The following SLC12A2 variants were observed in gnomAD, a reference collection of about 807,000 sequenced individuals.
The protein encoded by SLC12A2 is Na-K-2Cl cotransporter 1.
Under a neutral mutation model 136.3 loss-of-function variants are expected in SLC12A2, and 67 were observed. That is an observed-to-expected ratio of 0.49 (90% CI 0.40 to 0.60). SLC12A2 has a LOEUF of 0.60. SLC12A2 is among the 20% of genes least tolerant of loss of function. The pLI, the probability that SLC12A2 is intolerant of heterozygous loss-of-function variation, is 0.00. For synonymous variants in SLC12A2, 619 were observed against 562.9 expected, an observed-to-expected ratio of 1.10 and a Z score of -1.41; for missense variants, 1,322 against 1,534.7, an observed-to-expected ratio of 0.86 and a Z score of 2.32.
intron 15 of SLC12A2, 56 bp from the exon 16 acceptor site, chr5:128,157,997 T>A: frequency 6.9e-7 from 1 of 1,443,838 alleles, no homozygotes; most frequent in Non-Finnish European, 9.6e-7. Flanking sequence ...ACTTAAAATC[T>A]TGTTGCCAGA....
chr5:128,096,638 TG>T (rs1388016708), intron 1 of SLC12A2, among the ~76,000 whole-genome samples: 5 of 152,100 alleles, frequency 3.3e-5, no homozygotes, highest in African/African-American at 1.2e-4. Flanking sequence ...AAATGTTTTC[TG>T]GCAAAGCTGG....
In SLC12A2 at chr5:128,131,178, T is replaced by C. The variant is rs943332186; in HGVS notation, c.1160T>C (p.Phe387Ser). The stretch of plus-strand genomic sequence containing the variant: ...GCAGTTGCTATGTATGTGGTTGGAT[T>C]TGCAGAAACCGTGGTGGAGTTGCTT... ...AVAVAMYVVG[F>S]AETVVELLKE... The change falls in exon 5 of 27, where the codon TTT becomes TCT. Residue 387 changes from phenylalanine to serine, a missense_variant. Around this residue, in one of 8 missense-constraint regions of SLC12A2, gnomAD observed 71 missense variants for 131.0 expected, o/e 0.54. Coordinates refer to ENST00000262461, the MANE Select transcript of SLC12A2 (RefSeq NM_001046.3). 1 of 1,614,072 alleles carries C rather than the reference T, an allele frequency of 6.2e-7. No homozygotes were observed. The highest frequency in any genetic ancestry group is 1.7e-5 in the Admixed American group (1 of 60,004).
intron 1 of SLC12A2, among the ~76,000 whole-genome samples, chr5:128,089,621 AAGAG>A (rs1259826270): frequency 6.6e-6 from 1 of 152,220 alleles, no homozygotes; most frequent in Non-Finnish European, 1.5e-5. Flanking sequence ...GACAGAAATC[AAGAG>A]ATGTGATGAT....
chr5:128,186,706 C>G lies in SLC12A2; in HGVS notation c.*75C>G. ...GTAGTAACTGAAATCTTCAATGACA[C>G]ATTAACATCACAATGGCGAATGGTG... On this transcript the variant is annotated 3_prime_UTR_variant, in exon 27 of 27. Transcript: ENST00000262461. The G allele has an allele frequency of 7.1e-7, 1 of 1,403,140 alleles. No homozygotes were observed. Among genetic ancestry groups the G allele is most frequent in the Non-Finnish European group, 9.9e-7 (1 of 1,009,362 alleles). 86.9% of individuals were successfully genotyped at this position (1,403,140 alleles called of 1,614,324 possible). A position where few individuals can be genotyped will look rare whatever the true frequency, so the allele number is the denominator to read the frequency against.
chr5:128,165,001 G>A (rs1763157236), intron 17 of SLC12A2, among the ~76,000 whole-genome samples: 1 of 151,702 alleles, frequency 6.6e-6, no homozygotes, highest in Non-Finnish European at 1.5e-5. Flanking sequence ...CGCTACCATG[G>A]CTGGCTAGTT....
At chr5:128,098,619 A>T (rs571639797) in intron 1 of SLC12A2, among the ~76,000 whole-genome samples, 11 of 151,710 alleles carry the variant, frequency 7.3e-5, no homozygotes, top group African/African-American at 2.7e-4. Context: ...TATTCTTCTG[A>T]AAATTATTGT....
chr5:128,132,974 A>T (rs1054017278), intron 5 of SLC12A2, among the ~76,000 whole-genome samples: 3 of 152,144 alleles, frequency 2.0e-5, no homozygotes, highest in Admixed American at 1.3e-4. Flanking sequence ...TACATTTATT[A>T]TATAAAATAT....
intron 20 of SLC12A2, among the ~76,000 whole-genome samples, chr5:128,175,779 A>G (rs1763522115): frequency 6.6e-6 from 1 of 151,966 alleles, no homozygotes. Context: ...AACTTACTTT[A>G]TAATTGTTAA....
chr5:128,183,853 AAG>A (rs1331270374), intron 24 of SLC12A2, among the ~76,000 whole-genome samples: 1 of 151,994 alleles, frequency 6.6e-6, no homozygotes, highest in Non-Finnish European at 1.5e-5. Flanking sequence ...AAATGGCCAT[AAG>A]GGGAGGCGGG....
At chr5:128,126,961 TATA>T (rs1761821925) in intron 4 of SLC12A2, among the ~76,000 whole-genome samples, 2 of 45,216 alleles carry the variant, frequency 4.4e-5, no homozygotes, top group Admixed American at 2.6e-4. Context: ...TATATATATA[TATA>T]TATTTTTTTT....
chr5:128,156,903 TG>T (rs1352001104), intron 15 of SLC12A2, among the ~76,000 whole-genome samples: 2 of 152,102 alleles, frequency 1.3e-5, no homozygotes, highest in Admixed American at 6.6e-5. Context: ...AGTTAGTCAT[TG>T]GGCCACATTT....
rs772273071 is a variant in SLC12A2 at position 128,148,757 on chromosome 5, C to G, written c.1885C>G (p.Leu629Val). 1 of 1,585,882 alleles carries G rather than the reference C, an allele frequency of 6.3e-7. No individual in the cohort carries two copies. Among genetic ancestry groups the G allele is most frequent in the African/African-American group, 1.4e-5 (1 of 73,266 alleles). Reference sequence around the variant, plus strand: ...TTTTAATGTTTTCTTTCATTAGGCTCTATGTAAGGACAACATCTACCCAGC... The same window carrying G: ...TTTTAATGTTTTCTTTCATTAGGCTGTATGTAAGGACAACATCTACCCAGC... ...LVSAPKIFQA[L>V]CKDNIYPAFQ... The change falls in exon 12 of 27, where the codon CTA becomes GTA. Residue 629 changes from leucine to valine, a missense_variant. This residue lies in a region of SLC12A2 where 294 missense variants were observed against 436.6 expected (regional missense o/e 0.67). Transcript: ENST00000262461.
At chr5:128,124,421 C>A (rs183921870) in intron 4 of SLC12A2, among the ~76,000 whole-genome samples, 32 of 152,306 alleles carry the variant, frequency 2.1e-4, no homozygotes, top group African/African-American at 7.2e-4. Context: ...GTACCTCTGA[C>A]CAACTGGCTA....
chr5:128,178,804 A>G (rs1056458244), intron 22 of SLC12A2, 115 bp downstream of exon 22: 1 of 647,526 alleles, frequency 1.5e-6, no homozygotes, highest in East Asian at 3.3e-5. Flanking sequence ...CAGCATTCCC[A>G]AAAGCAAAAG....
At chr5:128,123,634 T>A (rs1761672927) in intron 4 of SLC12A2, among the ~76,000 whole-genome samples, 1 of 152,200 alleles carries the variant, frequency 6.6e-6, no homozygotes, top group Admixed American at 6.5e-5. Flanking sequence ...TTTGAAGGGT[T>A]ATTTATTGTA....
chr5:128,104,073 C>G (rs1256206957), intron 1 of SLC12A2, among the ~76,000 whole-genome samples: 1 of 152,112 alleles, frequency 6.6e-6, no homozygotes, highest in Non-Finnish European at 1.5e-5. Context: ...CTGAAAAAGG[C>G]ATGGATGTAC....
intron 1 of SLC12A2, among the ~76,000 whole-genome samples, chr5:128,095,010 T>A (rs1760471922): frequency 6.6e-6 from 1 of 152,116 alleles, no homozygotes. Context: ...CTAAAATAAC[T>A]CTTTTCCTTC....
chr5:128,166,658 G>GA (rs1044218399), intron 17 of SLC12A2, among the ~76,000 whole-genome samples: 1 of 152,106 alleles, frequency 6.6e-6, no homozygotes, highest in Admixed American at 6.6e-5. Context: ...GTTGGAGGGA[G>GA]AAGGGGATGG....
intron 1 of SLC12A2, among the ~76,000 whole-genome samples, chr5:128,103,289 T>C (rs899097404): frequency 3.9e-5 from 6 of 152,202 alleles, no homozygotes; most frequent in African/African-American, 1.4e-4. Context: ...GTGGATAATA[T>C]CCCCATTTCG....
Sources: allele counts gnomAD v4.1 joint callset (sites outside exome capture counted in the v4.1 genomes callset), GRCh38; gene constraint gnomAD v4.1.1; regional missense constraint gnomAD v4.1.1; transcripts MANE v1.5; gene names NCBI Gene and HGNC (gene_info 2026-07-23, HGNC 2026-07-21).